The following SPAG16 variants were observed in gnomAD, a reference collection of about 807,000 sequenced individuals.
SPAG16 encodes sperm associated antigen 16.
In SPAG16, 86 loss-of-function variants were observed where a neutral mutation model predicts 80.4. That is an observed-to-expected ratio of 1.07 (90% CI 0.90 to 1.28). The LOEUF is 1.28. SPAG16 is among the 50% of genes most tolerant of loss of function. The pLI, the probability that SPAG16 is intolerant of heterozygous loss-of-function variation, is 0.00. For missense variants in SPAG16, 870 were observed against 765.3 expected, an observed-to-expected ratio of 1.14 and a Z score of -1.61; for synonymous variants, 294 against 265.9, an observed-to-expected ratio of 1.11 and a Z score of -1.03.
Position 214,037,871 on chromosome 2 carries a change from G to A in SPAG16, c.1527+23794G>A, listed in dbSNP as rs1281161584. 6.3e-3 allele frequency among the ~76,000 whole-genome samples: 595 copies of A among 93,858 alleles called. 9 individuals carry two copies. Among genetic ancestry groups the A allele is most frequent in the African/African-American group, 0.013 (432 of 33,274 alleles). The allele number at this position is 93,858 out of a possible 152,430, so 61.6% of individuals were successfully genotyped here. On this transcript the variant is annotated intron_variant, in intron 13 of 15. Coordinates refer to ENST00000331683, the MANE Select transcript of SPAG16 (RefSeq NM_024532.5). ...TATTATTCCCAGAAGCCTGGTGTGT[G>A]TGTGTGTGTGTGTGTGTGTGTGTGT...
At chr2:214,361,973 A>G (rs73089210) in intron 15 of SPAG16, among the ~76,000 whole-genome samples, 5 of 151,974 alleles carry the variant, frequency 3.3e-5, no homozygotes, top group African/African-American at 1.2e-4. Context: ...TTAGAACTGA[A>G]GATATCTCTG....
At chr2:214,217,654 T>C (rs2058465890) in intron 15 of SPAG16, among the ~76,000 whole-genome samples, 1 of 152,240 alleles carries the variant, frequency 6.6e-6, no homozygotes, top group African/African-American at 2.4e-5. Flanking sequence ...GCTAAAAGAA[T>C]AGGCCACAAT....
chr2:213,460,658 G>T (rs142227235), intron 9 of SPAG16, among the ~76,000 whole-genome samples: 40 of 152,246 alleles, frequency 2.6e-4, no homozygotes, highest in African/African-American at 8.9e-4. Flanking sequence ...TGATATACAT[G>T]TGCATGGCTA....
chr2:213,520,318 G>A (rs1160541342), intron 10 of SPAG16, among the ~76,000 whole-genome samples: 1 of 152,144 alleles, frequency 6.6e-6, no homozygotes, highest in African/African-American at 2.4e-5. Context: ...CAAGCGTGGT[G>A]GCTCACGCCT....
At chr2:214,060,763 G>T (rs900309475) in intron 13 of SPAG16, among the ~76,000 whole-genome samples, 1 of 152,106 alleles carries the variant, frequency 6.6e-6, no homozygotes, top group African/African-American at 2.4e-5. Flanking sequence ...GTGGGACAGA[G>T]AGTTGGAATG....
chr2:213,778,544 A>T (rs2069742527), intron 10 of SPAG16, among the ~76,000 whole-genome samples: 1 of 151,858 alleles, frequency 6.6e-6, no homozygotes, highest in Admixed American at 6.6e-5. Context: ...TTTTCAAATA[A>T]CTCTATCCTA....
At chr2:214,170,652 G>A (rs971153037) in intron 15 of SPAG16, among the ~76,000 whole-genome samples, 3 of 151,996 alleles carry the variant, frequency 2.0e-5, no homozygotes, top group African/African-American at 7.2e-5. Context: ...CCTATCTTCA[G>A]GATATCGCAA....
intron 4 of SPAG16, among the ~76,000 whole-genome samples, chr2:213,314,172 C>G (rs2063312506): frequency 6.6e-6 from 1 of 151,748 alleles, no homozygotes; most frequent in Non-Finnish European, 1.5e-5. Flanking sequence ...TATATATTCT[C>G]CATTTCTACA....
At chr2:213,556,670 C>G (rs2059436584) in intron 10 of SPAG16, among the ~76,000 whole-genome samples, 1 of 152,078 alleles carries the variant, frequency 6.6e-6, no homozygotes, top group Non-Finnish European at 1.5e-5. Flanking sequence ...CAACTTTCAA[C>G]AAAGAATACA....
intron 15 of SPAG16, among the ~76,000 whole-genome samples, chr2:214,169,331 T>C (rs1167488143): frequency 6.6e-6 from 1 of 152,086 alleles, no homozygotes; most frequent in Non-Finnish European, 1.5e-5. Flanking sequence ...ACTCCTTTAT[T>C]CAAAGGAAGT....
chr2:214,030,000 G>T (rs868584616), intron 13 of SPAG16, among the ~76,000 whole-genome samples: 1 of 152,016 alleles, frequency 6.6e-6, no homozygotes, highest in South Asian at 2.1e-4. Flanking sequence ...ATCAACATGA[G>T]ATCTAGTCTC....
intron 12 of SPAG16, among the ~76,000 whole-genome samples, chr2:213,994,428 T>C (rs2046421723): frequency 6.6e-6 from 1 of 152,196 alleles, no homozygotes; most frequent in African/African-American, 2.4e-5. Flanking sequence ...CTTAAAAATC[T>C]GCCATGTTAT....
At chr2:213,665,905 G>C (rs183638169) in intron 10 of SPAG16, among the ~76,000 whole-genome samples, 16 of 152,032 alleles carry the variant, frequency 1.1e-4, no homozygotes, top group Admixed American at 4.6e-4. Flanking sequence ...ATCACCAGCA[G>C]AAAGCAAAAT....
intron 14 of SPAG16, among the ~76,000 whole-genome samples, chr2:214,109,799 A>G (rs945391256): frequency 2.0e-5 from 3 of 152,190 alleles, no homozygotes; most frequent in Admixed American, 2.0e-4. Context: ...TTTTATTTCC[A>G]GCAGGGTATG....
At chr2:213,314,825 T>A (rs958476690) in intron 4 of SPAG16, among the ~76,000 whole-genome samples, 2 of 151,930 alleles carry the variant, frequency 1.3e-5, no homozygotes, top group African/African-American at 4.8e-5. Context: ...CTGAGATAAG[T>A]ATATCACATT....
intron 5 of SPAG16, among the ~76,000 whole-genome samples, chr2:213,319,045 G>A (rs13384459): frequency 0.22 from 32,883 of 151,848 alleles, 4,406 homozygotes; most frequent in Non-Finnish European, 0.31. Flanking sequence ...GACAAGGAAT[G>A]TGTGAATGCA....
At chr2:214,157,158 G>A (rs1351120771) in intron 15 of SPAG16, among the ~76,000 whole-genome samples, 1 of 152,144 alleles carries the variant, frequency 6.6e-6, no homozygotes, top group African/African-American at 2.4e-5. Flanking sequence ...ACAAGTCTAT[G>A]ACTAATACCT....
chr2:213,511,727 A>G (rs549164081), intron 10 of SPAG16, among the ~76,000 whole-genome samples: 8 of 152,130 alleles, frequency 5.3e-5, no homozygotes, highest in African/African-American at 1.2e-4. Flanking sequence ...TTCTAGTGAG[A>G]TTTCTTGCCT....
intron 10 of SPAG16, among the ~76,000 whole-genome samples, chr2:213,592,958 T>C (rs775246646): frequency 6.6e-5 from 10 of 152,222 alleles, no homozygotes; most frequent in Non-Finnish European, 1.3e-4. Context: ...TAAAAACTTA[T>C]ATTAATCTCC....
Sources: allele counts gnomAD v4.1 joint callset (sites outside exome capture counted in the v4.1 genomes callset), GRCh38; gene constraint gnomAD v4.1.1; transcripts MANE v1.5; gene names NCBI Gene and HGNC (gene_info 2026-07-23, HGNC 2026-07-21).